PRKG1: variants seen among roughly 807,000 people sequenced by gnomAD.
PRKG1 encodes the protein protein kinase cGMP-dependent 1.
PRKG1 carries 35 observed loss-of-function variants against 88.1 expected under a neutral mutation model. That is an observed-to-expected ratio of 0.40 (90% CI 0.30 to 0.53). The LOEUF (loss-of-function observed/expected upper bound fraction) is 0.53, where lower values mean the gene tolerates loss of function less well. PRKG1 is among the 20% of genes least tolerant of loss of function. PRKG1 has a pLI of 0.59. For missense variants in PRKG1, 540 were observed against 839.8 expected (o/e 0.64, Z 4.41); for synonymous variants, 303 against 292.5 (o/e 1.04, Z -0.37).
At chr10:51,162,156 C>T (rs1846379416) in intron 2 of PRKG1, among the ~76,000 whole-genome samples, 1 of 152,178 alleles carries the variant, frequency 6.6e-6, no homozygotes, top group Non-Finnish European at 1.5e-5. Flanking sequence ...TGTTTTGGCA[C>T]ACTCTCCAAG....
At chr10:51,161,664 A>G (rs1232254375) in intron 2 of PRKG1, among the ~76,000 whole-genome samples, 3 of 152,232 alleles carry the variant, frequency 2.0e-5, no homozygotes, top group South Asian at 2.1e-4. Flanking sequence ...CGTAGGTCAC[A>G]TTAAAAAGGT....
intron 2 of PRKG1, among the ~76,000 whole-genome samples, chr10:51,444,904 C>T (rs1007267854): frequency 2.6e-5 from 4 of 151,708 alleles, no homozygotes; most frequent in Admixed American, 2.0e-4. Context: ...AAGAACTGAG[C>T]GGGCGGAATC....
At chr10:52,287,878 T>G (rs554268063) in intron 14 of PRKG1, among the ~76,000 whole-genome samples, 1 of 152,078 alleles carries the variant, frequency 6.6e-6, no homozygotes, top group African/African-American at 2.4e-5. Flanking sequence ...ATTTATTGCC[T>G]CCTTAGTATG....
rs924939392 is a variant in PRKG1 at position 51,818,064 on chromosome 10, A to C, written c.698+13374A>C. ...AACAGATGGAAGACAGTGTGCCAGA[A>C]TGTAGTAGCAAGGATTGGGCCATCT... On this transcript the variant is annotated intron_variant, in intron 4 of 17. Coordinates refer to ENST00000373980, the MANE Select transcript of PRKG1 (RefSeq NM_006258.4). Among the ~76,000 whole-genome samples, 14 of 152,308 alleles carry C rather than the reference A, an allele frequency of 9.2e-5. No individual in the cohort carries two copies. The East Asian group carries it at 2.5e-3, about 27-fold the overall frequency.
chr10:51,074,975 C>A (rs552345251), intron 1 of PRKG1, 74 bp downstream of exon 1: 3 of 1,464,184 alleles, frequency 2.0e-6, no homozygotes, highest in Admixed American at 2.5e-5. Flanking sequence ...TATTGTCTGT[C>A]GGCCCCCGCC....
At chr10:51,714,466 A>T (rs920508604) in intron 3 of PRKG1, among the ~76,000 whole-genome samples, 3 of 152,162 alleles carry the variant, frequency 2.0e-5, no homozygotes, top group Non-Finnish European at 4.4e-5. Context: ...AAAATAGTAG[A>T]ATGAAAGAAA....
At chr10:51,882,357 T>C (rs1406966749) in intron 4 of PRKG1, among the ~76,000 whole-genome samples, 2 of 152,214 alleles carry the variant, frequency 1.3e-5, no homozygotes, top group Non-Finnish European at 2.9e-5. Context: ...TGTGACTTCA[T>C]AAATAAATCT....
At chr10:51,960,357 T>C (rs1027375902) in intron 5 of PRKG1, among the ~76,000 whole-genome samples, 8 of 151,986 alleles carry the variant, frequency 5.3e-5, no homozygotes, top group African/African-American at 1.7e-4. Context: ...AAACAAGGTA[T>C]GAAGGAGGGA....
Position 50,991,295 on chromosome 10 carries a change from G to GCCGGCTGCCGTC in PRKG1, c.-81_-70dup. On this transcript the variant is annotated 5_prime_UTR_variant, in exon 1 of 18. Transcript: ENST00000401604. The surrounding 1 kb of genome is among the most constrained non-coding windows in gnomAD (Gnocchi z 4.5). ...CACTCGCTCACCCGCGCTCTCCGCT[G>GCCGGCTGCCGTC]CCGGCTGCCGTCCCAGCCGCCGCCG... The GCCGGCTGCCGTC allele has an allele frequency of 7.1e-7, 1 of 1,402,586 alleles. No homozygotes were observed. Among genetic ancestry groups the GCCGGCTGCCGTC allele is most frequent in the South Asian group, 1.4e-5 (1 of 72,756 alleles). 86.9% of individuals were successfully genotyped at this position (1,402,586 alleles called of 1,614,324 possible). A position where few individuals can be genotyped will look rare whatever the true frequency, so the allele number is the denominator to read the frequency against.
chr10:51,277,553 G>T (rs969641930), intron 2 of PRKG1, among the ~76,000 whole-genome samples: 1 of 152,092 alleles, frequency 6.6e-6, no homozygotes, highest in African/African-American at 2.4e-5. Flanking sequence ...TACCTTGGAC[G>T]GTATGGCCAT....
chr10:51,730,825 G>A (rs561349678), intron 3 of PRKG1, among the ~76,000 whole-genome samples: 1 of 152,310 alleles, frequency 6.6e-6, no homozygotes, highest in South Asian at 2.1e-4. Context: ...ACAGATATAT[G>A]ATCAGGAGGA....
chr10:51,830,526 C>T (rs913205881), intron 4 of PRKG1, among the ~76,000 whole-genome samples: 1 of 141,662 alleles, frequency 7.1e-6, no homozygotes, highest in Admixed American at 7.1e-5. Flanking sequence ...AGTATAATTA[C>T]TTATTGAACT....
chr10:51,697,762 AG>A, intron 3 of PRKG1: 2 of 1,614,148 alleles, frequency 1.2e-6, no homozygotes, highest in Non-Finnish European at 1.7e-6. Context: ...GCCTTTGCTC[AG>A]GGGGCAGCAT....
intron 2 of PRKG1, among the ~76,000 whole-genome samples, chr10:51,211,625 A>T (rs1244075925): frequency 6.6e-6 from 1 of 152,226 alleles, no homozygotes; most frequent in African/African-American, 2.4e-5. Context: ...AAGTCTCAGG[A>T]TACAAAATCA....
intron 3 of PRKG1, among the ~76,000 whole-genome samples, chr10:51,628,590 T>C (rs1242172628): frequency 6.6e-6 from 1 of 152,238 alleles, no homozygotes; most frequent in South Asian, 2.1e-4. Flanking sequence ...CCTATTTCTT[T>C]TCTCCATTTA....
At chr10:51,028,130 A>C (rs1843233051) in intron 1 of PRKG1, among the ~76,000 whole-genome samples, 1 of 152,170 alleles carries the variant, frequency 6.6e-6, no homozygotes. Flanking sequence ...ATATTTGAGA[A>C]AGACAAATAA....
At chr10:51,885,162 A>G (rs1341966566) in intron 4 of PRKG1, among the ~76,000 whole-genome samples, 3 of 152,198 alleles carry the variant, frequency 2.0e-5, no homozygotes, top group Non-Finnish European at 2.9e-5. Context: ...TAAGTCATTT[A>G]ATTTTCACAG....
chr10:51,336,473 A>G (rs754041861), intron 2 of PRKG1, among the ~76,000 whole-genome samples: 1 of 152,160 alleles, frequency 6.6e-6, no homozygotes, highest in Non-Finnish European at 1.5e-5. Flanking sequence ...GACAGAGGAA[A>G]CTCAATAAGC....
At chr10:52,158,675 G>C (rs980899112) in intron 8 of PRKG1, among the ~76,000 whole-genome samples, 1 of 151,588 alleles carries the variant, frequency 6.6e-6, no homozygotes, top group Non-Finnish European at 1.5e-5. Flanking sequence ...TGTTTGAGGA[G>C]ACTTAGAATC....
Sources: gnomAD v4.1 joint callset for allele counts (sites outside exome capture counted in the v4.1 genomes callset) on GRCh38, gnomAD v4.1.1 for gene constraint, Gnocchi (gnomAD v3.1) non-coding constraint, MANE v1.5 for transcripts, NCBI Gene and HGNC (gene_info 2026-07-23, HGNC 2026-07-21) for gene names.